The following CSF1R variants were observed in gnomAD, a reference collection of about 807,000 sequenced individuals.
CSF1R encodes colony stimulating factor 1 receptor.
CSF1R carries 40 observed loss-of-function variants against 110.0 expected under a neutral mutation model. The observed-to-expected ratio is 0.36, with a 90% confidence interval of 0.28 to 0.47. CSF1R has a LOEUF of 0.47. CSF1R is among the 20% of genes least tolerant of loss of function. The probability of loss-of-function intolerance (pLI) is 0.99; values close to 1 mark genes in which losing one functional copy is unlikely to be tolerated. For synonymous variants in CSF1R, 523 were observed against 503.4 expected (o/e 1.04, Z -0.52); for missense variants, 1,052 against 1,253.0 (o/e 0.84, Z 2.42).
chr5:150,070,612 A>G, intron 6 of CSF1R, 41 bp from the exon 7 acceptor site: 1 of 1,370,544 alleles, frequency 7.3e-7, no homozygotes, highest in Non-Finnish European at 9.8e-7. Flanking sequence ...GCCCCAGCCT[A>G]GTATGGCCCC....
chr5:150,070,418 G>C, intron 7 of CSF1R, 38 bp downstream of exon 7: 1 of 1,560,690 alleles, frequency 6.4e-7, no homozygotes, highest in Non-Finnish European at 8.7e-7. Context: ...GCAGTCCCAG[G>C]GCCTCCGCCC....
intron 1 of CSF1R, among the ~76,000 whole-genome samples, chr5:150,095,570 G>A (rs554999045): frequency 2.0e-4 from 31 of 151,662 alleles, no homozygotes; most frequent in South Asian, 1.0e-3. Flanking sequence ...ATTTTGAATT[G>A]GATAAGAAAA....
chr5:150,067,354 G>C (rs1757818986), intron 10 of CSF1R, among the ~76,000 whole-genome samples: 1 of 152,114 alleles, frequency 6.6e-6, no homozygotes, highest in East Asian at 1.9e-4. Context: ...CCTCCTTCAG[G>C]GTTAAAAACC....
At chr5:150,061,329 G>A (rs1298149779) in intron 12 of CSF1R, among the ~76,000 whole-genome samples, 162 bp downstream of exon 12, 1 of 152,084 alleles carries the variant, frequency 6.6e-6, no homozygotes. Context: ...GAGTCAGAGG[G>A]TGCCTGGAGC....
rs1581287127 is a variant in CSF1R at position 150,059,779 on chromosome 5, G to A, written c.2053C>T (p.Pro685Ser). Residue 685 changes from proline to serine, a missense_variant, in exon 14 of 21, where the codon CCC becomes TCC. Pro to Ser is a moderately conservative substitution (Grantham distance 74, BLOSUM62 -1). Transcript: ENST00000675795. ...LRRKAEAMLG[P>S]SLSPGQDPEG... ...GGGTCCTGGCCGGGGCTCAGGCTGG[G>A]TCCCAGCATGGCCTCAGCCTTCCTT... 4 of 1,614,114 alleles carry A rather than the reference G, an allele frequency of 2.5e-6. No homozygotes were observed. Among genetic ancestry groups the A allele is most frequent in the Admixed American group, 3.3e-5 (2 of 60,010 alleles).
chr5:150,082,529 C>G (rs1051506751), intron 1 of CSF1R, among the ~76,000 whole-genome samples: 2 of 152,212 alleles, frequency 1.3e-5, no homozygotes, highest in Non-Finnish European at 2.9e-5. Context: ...GGAAGAGGGA[C>G]AAGTGTCATT....
chr5:150,076,781 G>T (rs376893294), intron 5 of CSF1R: 12 of 222,662 alleles, frequency 5.4e-5, no homozygotes, highest in Non-Finnish European at 8.1e-5. Flanking sequence ...TGCCAGAAGC[G>T]CTGTTCCCCT....
At chr5:150,061,446 A>G in intron 12 of CSF1R, 45 bp downstream of exon 12, 1 of 381,924 alleles carries the variant, frequency 2.6e-6, no homozygotes, top group Non-Finnish European at 4.6e-6. Context: ...CACCCCCAGC[A>G]TCTACCACCC....
In CSF1R at chr5:150,054,060, G is replaced by T. The variant is rs547653185; in HGVS notation, c.*9C>A. The T allele has an allele frequency of 2.5e-6, 4 of 1,613,794 alleles. No individual in the cohort carries two copies. The highest frequency in any genetic ancestry group is 2.7e-5 in the African/African-American group (2 of 75,032). Reference sequence around the variant, plus strand: ...GGAGGGGAGAGTGGTACTCCCTGTCGTCAACTCCTCAGCAGAACTGATAGT... The same window carrying T: ...GGAGGGGAGAGTGGTACTCCCTGTCTTCAACTCCTCAGCAGAACTGATAGT... On this transcript the variant is annotated 3_prime_UTR_variant, in exon 21 of 21. Coordinates refer to ENST00000675795, the MANE Select transcript of CSF1R (RefSeq NM_001288705.3).
rs78449650 is a variant in CSF1R, at chr5:150,053,838, G to T, written c.*231C>A. The T allele has an allele frequency of 2.4e-5, 11 of 457,392 alleles. No homozygotes were observed. The highest frequency in any genetic ancestry group is 1.3e-4 in the African/African-American group (4 of 31,688). 28.3% of individuals were successfully genotyped at this position (457,392 alleles called of 1,614,324 possible). A position where few individuals can be genotyped will look rare whatever the true frequency, so the allele number is the denominator to read the frequency against. On this transcript the variant is annotated 3_prime_UTR_variant, in exon 21 of 21. Coordinates refer to ENST00000675795, the MANE Select transcript of CSF1R (RefSeq NM_001288705.3). ...AACACCATGAGAACAGTAGGGGAGG[G>T]GGGGGTGAGGGCTCAGCCCCCAGCC... is the stretch of plus-strand genomic sequence containing the variant.
intron 1 of CSF1R, among the ~76,000 whole-genome samples, chr5:150,109,231 T>C (rs1341922765): frequency 5.3e-5 from 8 of 152,164 alleles, no homozygotes; most frequent in Admixed American, 5.2e-4. Flanking sequence ...GCAGTGACTG[T>C]AGCCAAGCCA....
intron 10 of CSF1R, among the ~76,000 whole-genome samples, chr5:150,066,197 TC>T (rs1757762498): frequency 6.6e-6 from 1 of 152,086 alleles, no homozygotes; most frequent in Non-Finnish European, 1.5e-5. Flanking sequence ...ACGAACTTCC[TC>T]CTGGGACAAG....
intron 1 of CSF1R, among the ~76,000 whole-genome samples, chr5:150,085,280 A>AAAAAAAAAAAAAAAC (rs1338314256): frequency 1.4e-5 from 2 of 147,970 alleles, no homozygotes. Context: ...GTCTCAGGAA[A>AAAAAAAAAAAAAAAC]AAAAAAAAAA....
upstream of CSF1R, among the ~76,000 whole-genome samples, chr5:150,088,519 C>CT (rs528725145): frequency 0.053 from 7,707 of 145,940 alleles, 236 homozygotes; most frequent in African/African-American, 0.098. Context: ...CAAACCAAAT[C>CT]TTTTTTTTTT....
intron 2 of CSF1R, among the ~76,000 whole-genome samples, 168 bp from the exon 3 acceptor site, chr5:150,080,504 G>A (rs1367774563): frequency 1.3e-5 from 2 of 152,202 alleles, no homozygotes; most frequent in African/African-American, 2.4e-5. Flanking sequence ...AGAGTCAGGC[G>A]CACCTGGGCT....
chr5:150,055,312 A>G lies in CSF1R; in HGVS notation c.2579T>C (p.Leu860Pro). Residue 860 changes from leucine (L) to proline (P), a missense_variant, in exon 19 of 21, where the codon CTG becomes CCG. By Grantham distance (98) the Leu-to-Pro change is moderately conservative. Around this residue, in one of 5 missense-constraint regions of CSF1R, gnomAD observed 74 missense variants for 187.4 expected, o/e 0.39. Transcript: ENST00000675795. ...SLGLNPYPGI[L>P]VNSKFYKLVK... is the part of the protein sequence containing the mutation. ...CAGTTTATAGAACTTGCTGTTCACC[A>G]GGATGCCAGGGTAGGGATTCAGCCC... 1 of 1,614,230 alleles carries G rather than the reference A, an allele frequency of 6.2e-7. No individual in the cohort carries two copies. Among genetic ancestry groups the G allele is most frequent in the South Asian group, 1.1e-5 (1 of 91,090 alleles).
In CSF1R at chr5:150,080,898, G is replaced by A. The variant is rs2113833328; in HGVS notation, c.176C>T (p.Thr59Ile). ...EWDGPPSPHW[T>I]LYSDGSSSIL... ...GCTGCTGGAGCCATCAGAGTACAGG[G>A]TCCAGTGAGGTGATGGGGGGCCATC... is the stretch of plus-strand genomic sequence containing the variant. The change falls in exon 2 of 21, where the codon ACC (threonine) becomes ATC (isoleucine). Residue 59 changes from threonine (T) to isoleucine (I), a missense_variant. Thr to Ile is a moderately conservative substitution (Grantham distance 89). Around this residue, in one of 5 missense-constraint regions of CSF1R, gnomAD observed 693 missense variants for 735.4 expected, o/e 0.94. Coordinates refer to ENST00000675795, the MANE Select transcript of CSF1R (RefSeq NM_001288705.3). The A allele has an allele frequency of 2.5e-6, 4 of 1,614,164 alleles. No individual in the cohort carries two copies. Among genetic ancestry groups the A allele is most frequent in the Non-Finnish European group, 3.4e-6 (4 of 1,180,034 alleles).
rs536563111 is a variant in CSF1R at position 150,074,887 on chromosome 5, C to T, written c.890-1394G>A. ...TCCACCCATCTGGGTCTCCTAACAT[C>T]CCTGAACACACCATAGTCATTCCAA... On this transcript the variant is annotated intron_variant, in intron 5 of 20. Coordinates refer to ENST00000675795, the MANE Select transcript of CSF1R (RefSeq NM_001288705.3). Among the ~76,000 whole-genome samples the T allele has an allele frequency of 1.2e-3, 180 of 152,276 alleles. 1 individual carries two copies. Among genetic ancestry groups the T allele is most frequent in the African/African-American group, 4.2e-3 (173 of 41,538 alleles).
At chr5:150,101,660 CTTT>C (rs34618542) in intron 1 of CSF1R, among the ~76,000 whole-genome samples, 13 of 140,034 alleles carry the variant, frequency 9.3e-5, no homozygotes, top group Admixed American at 1.4e-4. Context: ...TCCTTGCCTT[CTTT>C]TTTTTTTTTT....
Sources: allele counts gnomAD v4.1 joint callset (sites outside exome capture counted in the v4.1 genomes callset), GRCh38; gene constraint gnomAD v4.1.1; regional missense constraint gnomAD v4.1.1; transcripts MANE v1.5; gene names NCBI Gene and HGNC (gene_info 2026-07-23, HGNC 2026-07-21).